The following PSMD14 variants were observed in gnomAD, a reference collection of about 807,000 sequenced individuals.
PSMD14 encodes the protein proteasome 26S subunit, non-ATPase 14.
PSMD14 carries 7 observed loss-of-function variants against 41.2 expected under a neutral mutation model. That is an observed-to-expected ratio of 0.17 (90% CI 0.10 to 0.32). The LOEUF (loss-of-function observed/expected upper bound fraction) is 0.32. Among genes scored for constraint, PSMD14 ranks in the 10% least tolerant of loss-of-function variants. PSMD14 has a pLI of 1.00. For synonymous variants in PSMD14, 114 were observed against 122.3 expected (o/e 0.93, Z 0.45); for missense variants, 139 against 375.6 (o/e 0.37, Z 5.21).
intron 7 of PSMD14, among the ~76,000 whole-genome samples, chr2:161,371,991 T>A (rs557325797): frequency 1.2e-4 from 18 of 152,008 alleles, no homozygotes; most frequent in African/African-American, 4.1e-4. Flanking sequence ...TTTCTTTCTT[T>A]CTAGCCCCAT....
chr2:161,328,354 A>G (rs1029288783), intron 3 of PSMD14, among the ~76,000 whole-genome samples: 5 of 152,188 alleles, frequency 3.3e-5, no homozygotes, highest in Non-Finnish European at 7.4e-5. Flanking sequence ...GACCTTACAA[A>G]CATAGTAAGA....
At position 161,311,806 on chromosome 2, in the gene PSMD14, G is replaced by A. The variant is rs377163286; in HGVS notation, c.-138+3202G>A. Among the ~76,000 whole-genome samples, 67 of 151,898 alleles carry A rather than the reference G, an allele frequency of 4.4e-4. 1 individual carries two copies. Among genetic ancestry groups the A allele is most frequent in the African/African-American group, 1.4e-3 (57 of 41,438 alleles). On this transcript the variant is annotated intron_variant, in intron 1 of 11. Coordinates refer to ENST00000409682, the MANE Select transcript of PSMD14 (RefSeq NM_005805.6). ...GTTTTTATATTTTTAGTAGAGACCA[G>A]GTTTCGCCATGTTGGCCAGGCTGGT...
In PSMD14 at chr2:161,391,056, A is replaced by C. The variant is rs1683704694; in HGVS notation, c.571-48A>C. 5 of 1,392,602 alleles carry C rather than the reference A, an allele frequency of 3.6e-6. No individual in the cohort carries two copies. In the East Asian group the frequency reaches 1.3e-4, roughly 36 times the overall value. The allele number at this position is 1,392,602 out of a possible 1,614,324, so 86.3% of individuals were successfully genotyped here. On this transcript the variant is annotated intron_variant, in intron 8 of 11. Transcript: ENST00000409682. ...ATCAACAGTTTCAAACATTTTTATT[A>C]GGTGAAAAATATTAATTTGTCCTTT...
intron 10 of PSMD14, among the ~76,000 whole-genome samples, chr2:161,399,606 T>C (rs1359283187): frequency 6.6e-6 from 1 of 152,100 alleles, no homozygotes; most frequent in Non-Finnish European, 1.5e-5. Flanking sequence ...AAATATTTTT[T>C]TAAAATAAGT....
intron 2 of PSMD14, among the ~76,000 whole-genome samples, chr2:161,317,531 A>G (rs963357374): frequency 2.6e-5 from 4 of 152,144 alleles, no homozygotes; most frequent in African/African-American, 9.7e-5. Context: ...TTCTTGAACT[A>G]GGTGATGGTT....
chr2:161,360,931 T>A lies in PSMD14; in HGVS notation c.49-6547T>A, dbSNP rs114981466. The stretch of plus-strand genomic sequence containing the variant: ...GGTTTTAGTATTTTTAATTTGCTTG[T>A]GTACTGACTTCTTGTCATAAATGGG... On this transcript the variant is annotated intron_variant, in intron 3 of 11. Coordinates refer to ENST00000409682, the MANE Select transcript of PSMD14 (RefSeq NM_005805.6). 6.6e-3 allele frequency among the ~76,000 whole-genome samples: 1,003 copies of A among 152,372 alleles called. 7 individuals are homozygous for A. The highest frequency in any genetic ancestry group is 0.022 in the African/African-American group (933 of 41,596).
chr2:161,335,150 C>T (rs1202960603), intron 3 of PSMD14, among the ~76,000 whole-genome samples: 1 of 152,114 alleles, frequency 6.6e-6, no homozygotes, highest in African/African-American at 2.4e-5. Flanking sequence ...TAAATAGGTA[C>T]CAGTATATGA....
chr2:161,391,495 A>AT (rs1299032514), intron 9 of PSMD14, among the ~76,000 whole-genome samples: 1 of 152,158 alleles, frequency 6.6e-6, no homozygotes, highest in Non-Finnish European at 1.5e-5. Context: ...ATCTTCTTCA[A>AT]TAAAAAGGCC....
intron 10 of PSMD14, chr2:161,408,117 T>G (rs1574145381): frequency 6.6e-6 from 1 of 152,100 alleles, no homozygotes; most frequent in Admixed American, 6.6e-5. Context: ...GGAAAGTGGT[T>G]TTCATGTATT....
At chr2:161,408,046 T>C (rs1292734685) in intron 10 of PSMD14, 1 of 152,058 alleles carries the variant, frequency 6.6e-6, no homozygotes, top group Non-Finnish European at 1.5e-5. Flanking sequence ...TATTTCAGAA[T>C]TACTCTGCCA....
chr2:161,316,359 CT>C (rs1689148353), intron 1 of PSMD14, 77 bp from the exon 2 acceptor site: 1 of 152,016 alleles, frequency 6.6e-6, no homozygotes, highest in Admixed American at 6.6e-5. Flanking sequence ...AATTTTGATT[CT>C]TTTAAAGATT....
intron 7 of PSMD14, among the ~76,000 whole-genome samples, chr2:161,372,652 G>A (rs1377321102): frequency 6.6e-6 from 1 of 151,592 alleles, no homozygotes; most frequent in Non-Finnish European, 1.5e-5. Context: ...TATATGTGTT[G>A]TTACTCAACA....
In PSMD14 at chr2:161,340,891, C is replaced by A. The variant is rs1012388671; in HGVS notation, c.48+22018C>A. On this transcript the variant is annotated intron_variant, in intron 3 of 11. Transcript: ENST00000409682. ...TCGTACTGGTTTCCCCTCAGCTTCC[C>A]GGGGCTGTATTTGAAGGAGAAGCCT... 4.3e-6 allele frequency: 7 copies of A among 1,613,878 alleles called. No homozygotes were observed. The East Asian group carries it at 1.6e-4, about 36-fold the overall frequency.
chr2:161,389,912 T>TTTTTTTTTTTA (rs1299369817), intron 8 of PSMD14, among the ~76,000 whole-genome samples: 4 of 130,286 alleles, frequency 3.1e-5, no homozygotes, highest in East Asian at 2.2e-4. Flanking sequence ...TTTTTTTTTT[T>TTTTTTTTTTTA]AGAGATGGGG....
At chr2:161,331,108 A>T (rs1198731493) in intron 3 of PSMD14, among the ~76,000 whole-genome samples, 1 of 152,206 alleles carries the variant, frequency 6.6e-6, no homozygotes, top group Non-Finnish European at 1.5e-5. Flanking sequence ...TTGTCATTGT[A>T]TAGCTATATC....
chr2:161,315,661 G>C (rs950614984), intron 1 of PSMD14, among the ~76,000 whole-genome samples: 27 of 152,006 alleles, frequency 1.8e-4, no homozygotes, highest in African/African-American at 6.0e-4. Flanking sequence ...ATTAAGAAAT[G>C]ATGGACTACT....
intron 3 of PSMD14, among the ~76,000 whole-genome samples, chr2:161,343,827 CAA>C (rs35338761): frequency 0.91 from 134,263 of 148,158 alleles, 60,765 homozygotes; most frequent in East Asian, 0.99. Flanking sequence ...TACTCTGTCT[CAA>C]AAAAAAAAAA....
chr2:161,385,622 C>T, intron 8 of PSMD14, 51 bp downstream of exon 8: 1 of 1,108,008 alleles, frequency 9.0e-7, no homozygotes, highest in African/African-American at 1.6e-5. Context: ...TTTTAAAAGC[C>T]TGCTATAAGT....
chr2:161,350,919 G>A (rs1250548307), intron 3 of PSMD14, among the ~76,000 whole-genome samples: 1 of 152,190 alleles, frequency 6.6e-6, no homozygotes, highest in African/African-American at 2.4e-5. Context: ...ACTGTGGAGT[G>A]TGCTTCAAAT....
Sources: gnomAD v4.1 joint callset for allele counts (sites outside exome capture counted in the v4.1 genomes callset) on GRCh38, gnomAD v4.1.1 for gene constraint, MANE v1.5 for transcripts, NCBI Gene and HGNC (gene_info 2026-07-23, HGNC 2026-07-21) for gene names.